Variants in SEMA3A observed in about 807,000 individuals in gnomAD.
SEMA3A encodes semaphorin 3A.
Under a neutral mutation model 97.9 loss-of-function variants are expected in SEMA3A, and 29 were observed. The observed-to-expected ratio is 0.30, with a 90% CI of 0.22 to 0.40. The LOEUF (loss-of-function observed/expected upper bound fraction) is 0.40. SEMA3A is among the 10% of genes least tolerant of loss of function. The probability of loss-of-function intolerance (pLI) is 1.00; values close to 1 mark genes in which losing one functional copy is unlikely to be tolerated. For missense variants in SEMA3A, 763 were observed against 951.3 expected, an observed-to-expected ratio of 0.80 and a Z score of 2.60; for synonymous variants, 321 against 323.7, an observed-to-expected ratio of 0.99 and a Z score of 0.09.
chr7:84,363,737 T>C (rs1802780433), intron 2 of SEMA3A, among the ~76,000 whole-genome samples: 1 of 151,910 alleles, frequency 6.6e-6, no homozygotes, highest in African/African-American at 2.4e-5. Flanking sequence ...TGTTATCAAT[T>C]CCAGCTCCCT....
chr7:84,428,065 T>C (rs1344531342), intron 1 of SEMA3A, among the ~76,000 whole-genome samples: 1 of 152,142 alleles, frequency 6.6e-6, no homozygotes, highest in Non-Finnish European at 1.5e-5. Flanking sequence ...TTAATTTCTA[T>C]TACTTTAAAA....
intron 6 of SEMA3A, among the ~76,000 whole-genome samples, chr7:84,020,407 T>C (rs1791285702): frequency 6.6e-6 from 1 of 151,684 alleles, no homozygotes; most frequent in Admixed American, 6.6e-5. Flanking sequence ...TTCGATTTCA[T>C]CAAGCTATGT....
At chr7:84,138,833 T>C (rs760446272) in intron 1 of SEMA3A, among the ~76,000 whole-genome samples, 8 of 152,144 alleles carry the variant, frequency 5.3e-5, no homozygotes, top group Non-Finnish European at 7.4e-5. Flanking sequence ...GCTTAGGTTA[T>C]ATCACCACTT....
intron 1 of SEMA3A, among the ~76,000 whole-genome samples, chr7:84,492,004 C>T (rs552221825): frequency 2.6e-5 from 4 of 152,114 alleles, no homozygotes; most frequent in South Asian, 2.1e-4. Flanking sequence ...AAAAATTATA[C>T]GCAAATTCCT....
rs1017969155 is a variant in SEMA3A at position 84,186,871 on chromosome 7, C to A, written c.112+7604G>T. Among the ~76,000 whole-genome samples, 13 of 152,258 alleles carry A rather than the reference C, an allele frequency of 8.5e-5. No homozygotes were observed. In the East Asian group the frequency reaches 1.2e-3, roughly 14 times the overall value. ...AATTAGCCTACTATCCTCTCCCACC[C>A]TCTCAATCAGTATCTTAAACAAAGA... On this transcript the variant is annotated intron_variant, in intron 1 of 16. Coordinates refer to ENST00000265362, the MANE Select transcript of SEMA3A (RefSeq NM_006080.3).
At chr7:84,050,121 A>G (rs1305880790) in intron 5 of SEMA3A, among the ~76,000 whole-genome samples, 5 of 151,336 alleles carry the variant, frequency 3.3e-5, no homozygotes, top group Non-Finnish European at 2.9e-5. Flanking sequence ...TCATTGTTGG[A>G]CATTTGGGTT....
chr7:84,195,056 C>T (rs1279769172), upstream of SEMA3A: 1 of 136,882 alleles, frequency 7.3e-6, no homozygotes, highest in Non-Finnish European at 1.6e-5. Flanking sequence ...GAGAGAGAAA[C>T]CGTGAGCAGC....
intron 3 of SEMA3A, among the ~76,000 whole-genome samples, chr7:84,249,392 T>TATCTATCTATCTA (rs1554351576): frequency 6.6e-5 from 10 of 151,774 alleles, no homozygotes; most frequent in African/African-American, 2.4e-4. Flanking sequence ...TCTATCTATC[T>TATCTATCTATCTA]ATCTATCTAT....
intron 3 of SEMA3A, among the ~76,000 whole-genome samples, chr7:84,300,688 A>G (rs553071846): frequency 7.9e-5 from 12 of 152,166 alleles, no homozygotes; most frequent in Non-Finnish European, 1.6e-4. Context: ...AGTCTAAAAA[A>G]TAATTACAAA....
At chr7:83,969,374 A>G (rs1156264535) in intron 15 of SEMA3A, among the ~76,000 whole-genome samples, 1 of 152,096 alleles carries the variant, frequency 6.6e-6, no homozygotes, top group African/African-American at 2.4e-5. Flanking sequence ...ATCTCTTTTT[A>G]GTTATCTCCT....
At chr7:84,198,888 GGTTA>G (rs1217679239), upstream of SEMA3A, among the ~76,000 whole-genome samples, 1 of 152,148 alleles carries the variant, frequency 6.6e-6, no homozygotes, top group Non-Finnish European at 1.5e-5. Flanking sequence ...TTTCACAACA[GGTTA>G]GTTAACTTGT....
At chr7:84,153,371 A>T (rs996819509) in intron 1 of SEMA3A, among the ~76,000 whole-genome samples, 2 of 152,204 alleles carry the variant, frequency 1.3e-5, no homozygotes, top group Non-Finnish European at 2.9e-5. Flanking sequence ...AACTATCAGT[A>T]GTTCACTTAT....
intron 16 of SEMA3A, among the ~76,000 whole-genome samples, chr7:83,962,236 T>C (rs117083200): frequency 6.6e-6 from 1 of 152,014 alleles, no homozygotes; most frequent in Admixed American, 6.6e-5. Flanking sequence ...ATAATAAGAT[T>C]TCCAAAAATT....
chr7:84,036,173 G>A (rs960979443), intron 6 of SEMA3A, among the ~76,000 whole-genome samples: 5 of 151,950 alleles, frequency 3.3e-5, no homozygotes, highest in African/African-American at 1.2e-4. Flanking sequence ...AATCTAAAGG[G>A]AGATGGATAG....
At chr7:84,103,082 T>C (rs955775841) in intron 4 of SEMA3A, among the ~76,000 whole-genome samples, 2 of 152,184 alleles carry the variant, frequency 1.3e-5, no homozygotes, top group African/African-American at 4.8e-5. Flanking sequence ...TTGCTATGTA[T>C]ACTGAAAAGT....
chr7:84,090,735 C>A (rs934053425), intron 4 of SEMA3A, among the ~76,000 whole-genome samples: 1 of 151,890 alleles, frequency 6.6e-6, no homozygotes, highest in Non-Finnish European at 1.5e-5. Flanking sequence ...TAAATATTAT[C>A]AAATATGTAA....
chr7:84,134,239 T>C (rs1420729039), intron 2 of SEMA3A, among the ~76,000 whole-genome samples: 2 of 152,196 alleles, frequency 1.3e-5, no homozygotes, highest in Non-Finnish European at 1.5e-5. Flanking sequence ...AAAGGCCAGA[T>C]AGTAAATCAT....
chr7:84,160,848 C>T (rs1430868375), intron 1 of SEMA3A, among the ~76,000 whole-genome samples: 1 of 151,874 alleles, frequency 6.6e-6, no homozygotes, highest in African/African-American at 2.4e-5. Flanking sequence ...CCATTGCACT[C>T]CAGCCTGGGC....
chr7:83,980,614 A>ACAAAC (rs1243131696), intron 14 of SEMA3A, among the ~76,000 whole-genome samples: 113 of 82,742 alleles, frequency 1.4e-3, no homozygotes, highest in African/African-American at 5.1e-3. Context: ...AAAAAAAAAA[A>ACAAAC]AAAAAAAAAA....
Sources: allele counts gnomAD v4.1 joint callset (sites outside exome capture counted in the v4.1 genomes callset), GRCh38; gene constraint gnomAD v4.1.1; transcripts MANE v1.5; gene names NCBI Gene and HGNC (gene_info 2026-07-23, HGNC 2026-07-21).